NREP: variants seen among roughly 807,000 people sequenced by gnomAD.
NREP encodes the protein neuronal regeneration-related protein.
NREP carries 5 observed loss-of-function variants against 8.6 expected under a neutral mutation model. The observed-to-expected ratio is 0.58, with a 90% CI of 0.30 to 1.22. The LOEUF (loss-of-function observed/expected upper bound fraction) is 1.22, where lower values mean the gene tolerates loss of function less well. NREP is among the 50% of genes most tolerant of loss of function. The probability of loss-of-function intolerance (pLI) is 0.07; values close to 1 mark genes in which losing one functional copy is unlikely to be tolerated. For missense variants in NREP, 86 were observed against 82.5 expected, an observed-to-expected ratio of 1.04 and a Z score of -0.17; for synonymous variants, 27 against 28.0, an observed-to-expected ratio of 0.96 and a Z score of 0.11.
rs570667132 is a variant in NREP, at chr5:111,801,631, A to G, written c.136-66124T>C. Among the ~76,000 whole-genome samples, 14 of 152,324 alleles carry G rather than the reference A, an allele frequency of 9.2e-5. No individual in the cohort carries two copies. In the East Asian group the frequency reaches 1.3e-3, roughly 15 times the overall value. On this transcript the variant is annotated intron_variant, in intron 2 of 3. Coordinates refer to the NREP transcript ENST00000395634. ...TGCAGTTTTTCACTGTCCTGATAAGAAAAAAATATATACATACAAGTATGA... is the reference window on the plus strand; with the variant it reads ...TGCAGTTTTTCACTGTCCTGATAAGGAAAAAATATATACATACAAGTATGA...
chr5:111,917,273 CA>C (rs1181327451), intron 2 of NREP, among the ~76,000 whole-genome samples: 1 of 152,122 alleles, frequency 6.6e-6, no homozygotes, highest in African/African-American at 2.4e-5. Context: ...CGAATTCTAC[CA>C]GAGGTACAAA....
At chr5:111,941,389 A>G (rs1024710576) in intron 2 of NREP, among the ~76,000 whole-genome samples, 10 of 152,082 alleles carry the variant, frequency 6.6e-5, no homozygotes, top group African/African-American at 2.4e-4. Context: ...GGAGGCTACA[A>G]TTCCAAGATC....
chr5:111,757,845 G>C, upstream of NREP: 1 of 970,364 alleles, frequency 1.0e-6, no homozygotes, highest in Non-Finnish European at 1.2e-6. Context: ...GAGGCGGTTT[G>C]GGGGCGCGCC....
intron 2 of NREP, among the ~76,000 whole-genome samples, chr5:111,812,535 A>G (rs1330789753): frequency 1.3e-5 from 2 of 152,194 alleles, no homozygotes; most frequent in African/African-American, 4.8e-5. Context: ...TCAGTTCTAC[A>G]TTATAGTCAA....
intron 2 of NREP, among the ~76,000 whole-genome samples, chr5:111,946,859 T>C (rs887305377): frequency 2.2e-4 from 34 of 152,034 alleles, no homozygotes; most frequent in African/African-American, 8.0e-4. Context: ...CCTCCAAAAT[T>C]ATCTCTGCTT....
At chr5:111,877,964 T>A (rs1243148239) in intron 2 of NREP, among the ~76,000 whole-genome samples, 1 of 152,156 alleles carries the variant, frequency 6.6e-6, no homozygotes, top group Non-Finnish European at 1.5e-5. Context: ...GCCTTAGGCA[T>A]CCACCACAAT....
At chr5:111,885,848 A>C (rs1031454874) in intron 2 of NREP, among the ~76,000 whole-genome samples, 4 of 152,224 alleles carry the variant, frequency 2.6e-5, no homozygotes, top group African/African-American at 9.7e-5. Context: ...CTTAAACTTT[A>C]GACCTAAAAC....
intron 2 of NREP, chr5:111,974,332 A>T (rs897683651): frequency 1.3e-5 from 2 of 152,244 alleles, no homozygotes; most frequent in Non-Finnish European, 2.9e-5. Flanking sequence ...TCAAAGAAAT[A>T]GATGTGGAAA....
chr5:111,921,041 T>C (rs1755224550), intron 2 of NREP, among the ~76,000 whole-genome samples: 1 of 152,156 alleles, frequency 6.6e-6, no homozygotes. Context: ...GAAAGAGAAA[T>C]GACCTCTTGG....
intron 1 of NREP, chr5:111,975,421 C>G (rs182177680): frequency 9.0e-5 from 123 of 1,369,430 alleles, no homozygotes; most frequent in Non-Finnish European, 1.2e-4. Flanking sequence ...CACTGACCCC[C>G]CTGAGTGCCA....
chr5:111,816,548 C>T (rs966405831), intron 2 of NREP, among the ~76,000 whole-genome samples: 2 of 151,874 alleles, frequency 1.3e-5, no homozygotes, highest in African/African-American at 4.8e-5. Context: ...TCTAATAAAG[C>T]TACTTGTTTT....
chr5:111,927,731 C>T (rs1755428217), intron 2 of NREP, among the ~76,000 whole-genome samples: 1 of 152,120 alleles, frequency 6.6e-6, no homozygotes, highest in African/African-American at 2.4e-5. Context: ...GAGTAACTAC[C>T]CTGCCCACTT....
At chr5:111,918,836 G>T (rs1201500752) in intron 2 of NREP, among the ~76,000 whole-genome samples, 1 of 152,072 alleles carries the variant, frequency 6.6e-6, no homozygotes, top group African/African-American at 2.4e-5. Context: ...AAAAGCAATG[G>T]CAACAAAAGC....
intron 2 of NREP, among the ~76,000 whole-genome samples, chr5:111,859,413 T>A (rs1753495997): frequency 1.3e-5 from 2 of 152,084 alleles, no homozygotes; most frequent in South Asian, 4.1e-4. Flanking sequence ...ATGCAAAAAA[T>A]TTTGCCAAGG....
At chr5:111,817,302 G>GCAT (rs974909799) in intron 2 of NREP, among the ~76,000 whole-genome samples, 3 of 152,118 alleles carry the variant, frequency 2.0e-5, no homozygotes, top group Admixed American at 2.0e-4. Flanking sequence ...GAACCTCAGT[G>GCAT]CATCATTGAA....
At chr5:111,901,107 T>A (rs1754636738) in intron 2 of NREP, among the ~76,000 whole-genome samples, 1 of 152,152 alleles carries the variant, frequency 6.6e-6, no homozygotes, top group Admixed American at 6.6e-5. Flanking sequence ...GTTCAACATG[T>A]GCAAACCAGT....
chr5:111,884,091 A>G (rs543636278), intron 2 of NREP, among the ~76,000 whole-genome samples: 6 of 152,232 alleles, frequency 3.9e-5, no homozygotes, highest in Non-Finnish European at 8.8e-5. Context: ...ACCAATAAAG[A>G]AGAAAAGAGA....
Position 111,808,796 on chromosome 5 carries a change from T to G in NREP, c.136-73289A>C, listed in dbSNP as rs1004481282. 5.0e-4 allele frequency among the ~76,000 whole-genome samples: 76 copies of G among 152,234 alleles called. 1 individual carries two copies. Among genetic ancestry groups the G allele is most frequent in the African/African-American group, 1.8e-3 (74 of 41,472 alleles). On this transcript the variant is annotated intron_variant, in intron 2 of 3. Coordinates refer to the NREP transcript ENST00000395634. ...AACCTTTATTGTCCAGTATTGCCACTGCCTTTTCTATGTCTTCTACCAGAA... is the reference window on the plus strand; with the variant it reads ...AACCTTTATTGTCCAGTATTGCCACGGCCTTTTCTATGTCTTCTACCAGAA...
chr5:111,925,827 C>T (rs1415111703), intron 2 of NREP, among the ~76,000 whole-genome samples: 1 of 152,206 alleles, frequency 6.6e-6, no homozygotes, highest in Non-Finnish European at 1.5e-5. Flanking sequence ...TGTGGGGTCA[C>T]TACGGTCCTA....
Sources: allele counts gnomAD v4.1 joint callset (sites outside exome capture counted in the v4.1 genomes callset), GRCh38; gene constraint gnomAD v4.1.1; transcripts MANE v1.5; gene names NCBI Gene and HGNC (gene_info 2026-07-23, HGNC 2026-07-21).